Variants in TRPM6 observed in about 807,000 individuals in gnomAD.
TRPM6 encodes the protein channel kinase 2.
In TRPM6, 111 loss-of-function variants were observed where a neutral mutation model predicts 247.6. The observed-to-expected ratio is 0.45, with a 90% CI of 0.38 to 0.52. The LOEUF (loss-of-function observed/expected upper bound fraction) is 0.52, where lower values mean the gene tolerates loss of function less well. Ranked by LOEUF, TRPM6 falls within the 20% of genes least tolerant of loss-of-function variation. The probability of loss-of-function intolerance (pLI) is 0.00; values close to 1 mark genes in which losing one functional copy is unlikely to be tolerated. For synonymous variants in TRPM6, 892 were observed against 853.8 expected (o/e 1.04, Z -0.78); for missense variants, 2,126 against 2,421.5 (o/e 0.88, Z 2.56).
intron 3 of TRPM6, among the ~76,000 whole-genome samples, chr9:74,846,565 CAG>C (rs1054277229): frequency 4.6e-5 from 7 of 151,626 alleles, no homozygotes; most frequent in African/African-American, 7.3e-5. Flanking sequence ...TTTTGTGAAA[CAG>C]AGTCTCTCTC....
At chr9:74,727,207 C>A (rs1163359668) in intron 38 of TRPM6, among the ~76,000 whole-genome samples, 1 of 151,730 alleles carries the variant, frequency 6.6e-6, no homozygotes, top group Non-Finnish European at 1.5e-5. Flanking sequence ...ATGGTGAAAC[C>A]CTGTCTCTAC....
Position 74,762,677 on chromosome 9 carries a change from A to T in TRPM6, c.3994T>A (p.Ser1332Thr). ...TTTGAGTGTGCTTGCCTGTTAGGAGACACCCCAGAAACCACTATACTACTT... is the reference window on the plus strand; with the variant it reads ...TTTGAGTGTGCTTGCCTGTTAGGAGTCACCCCAGAAACCACTATACTACTT... ...TQSSIVVSGV[S>T]PNRQAHSKYG... Residue 1332 changes from serine (S) to threonine (T), a missense_variant, in exon 26 of 39, where the codon TCT becomes ACT. Physicochemically the swap from Ser to Thr is moderately conservative, Grantham distance 58. Around this residue, in one of 3 missense-constraint regions of TRPM6, gnomAD observed 717 missense variants for 715.9 expected, o/e 1.00. Coordinates refer to ENST00000360774, the MANE Select transcript of TRPM6 (RefSeq NM_017662.5). 1.2e-6 allele frequency: 2 copies of T among 1,614,118 alleles called. No homozygotes were observed. Among genetic ancestry groups the T allele is most frequent in the Non-Finnish European group, 1.7e-6 (2 of 1,180,020 alleles).
chr9:74,732,623 T>G, intron 37 of TRPM6, 62 bp downstream of exon 37: 1 of 1,303,324 alleles, frequency 7.7e-7, no homozygotes, highest in Non-Finnish European at 1.1e-6. Context: ...TAAATTATTT[T>G]TAAAACCATT....
intron 27 of TRPM6, among the ~76,000 whole-genome samples, chr9:74,757,931 A>G (rs1287912247): frequency 6.6e-6 from 1 of 152,194 alleles, no homozygotes; most frequent in Non-Finnish European, 1.5e-5. Flanking sequence ...ATAAATGAAT[A>G]AATAAAATAA....
chr9:74,855,415 T>C, intron 3 of TRPM6, 112 bp downstream of exon 3: 1 of 819,264 alleles, frequency 1.2e-6, no homozygotes, highest in East Asian at 2.4e-5. Context: ...CTTGGAAAGG[T>C]AAATGGCATG....
chr9:74,864,885 A>G (rs1244640698), intron 1 of TRPM6, among the ~76,000 whole-genome samples: 2 of 152,120 alleles, frequency 1.3e-5, no homozygotes, highest in African/African-American at 4.8e-5. Context: ...CAGCCTGGCC[A>G]ACATGATGAA....
intron 6 of TRPM6, 85 bp from the exon 7 acceptor site, chr9:74,828,034 T>C (rs1829405866): frequency 5.8e-6 from 8 of 1,389,866 alleles, no homozygotes; most frequent in Non-Finnish European, 8.0e-6. Context: ...CTTTATGTGC[T>C]AAAAGAGTTC....
Position 74,738,568 on chromosome 9 carries a change from C to A in TRPM6, c.5615G>T (p.Trp1872Leu). The A allele has an allele frequency of 6.2e-7, 1 of 1,614,026 alleles. No individual in the cohort carries two copies. The highest frequency in any genetic ancestry group is 8.5e-7 in the Non-Finnish European group (1 of 1,179,982). Residue 1872 changes from tryptophan to leucine, a missense_variant, in exon 36 of 39, where the codon TGG (tryptophan) becomes TTG (leucine). Physicochemically the swap from Trp to Leu is moderately conservative, Grantham distance 61 (BLOSUM62 -2). This residue lies in a region of TRPM6 where 327 missense variants were observed against 397.7 expected (regional missense o/e 0.82). Coordinates refer to ENST00000360774, the MANE Select transcript of TRPM6 (RefSeq NM_017662.5). ...TGTCATATACTTCTCAATGGTCAAC[C>A]ACTGGTTGGCTGAATGGCAGTAGAT... ...FLIYCHSANQ[W>L]LTIEKYMTGE...
intron 29 of TRPM6, 57 bp downstream of exon 29, chr9:74,752,220 C>T (rs770655763): frequency 4.7e-5 from 46 of 985,000 alleles, no homozygotes; most frequent in Non-Finnish European, 7.1e-5. Flanking sequence ...TGGGCGTAGT[C>T]AAGAGTAGCA....
At chr9:74,885,569 C>T (rs969810767) in intron 1 of TRPM6, among the ~76,000 whole-genome samples, 2 of 152,150 alleles carry the variant, frequency 1.3e-5, no homozygotes, top group African/African-American at 2.4e-5. Flanking sequence ...AGAAAAAAGG[C>T]ACTAGTGAGA....
chr9:74,837,748 CTTTTT>C lies in TRPM6; in HGVS notation c.544+2271_544+2275del, dbSNP rs3056761. Among the ~76,000 whole-genome samples the C allele has an allele frequency of 1.2e-3, 159 of 137,332 alleles. 1 individual carries two copies. Among genetic ancestry groups the C allele is most frequent in the South Asian group, 4.3e-3 (19 of 4,394 alleles). The allele number at this position is 137,332 out of a possible 152,430, so 90.1% of individuals were successfully genotyped here. ...GGTGTGAGCCACCACGCCCGGCCCCCTTTTTTTTTTTTTTTTTTTTAAGACAGGGT... is the reference window on the plus strand; with the variant it reads ...GGTGTGAGCCACCACGCCCGGCCCCCTTTTTTTTTTTTTTTAAGACAGGGT... On this transcript the variant is annotated intron_variant, in intron 5 of 38. Coordinates refer to ENST00000360774, the MANE Select transcript of TRPM6 (RefSeq NM_017662.5).
At chr9:74,784,851 C>T (rs117660078) in intron 21 of TRPM6, among the ~76,000 whole-genome samples, 2 of 152,186 alleles carry the variant, frequency 1.3e-5, no homozygotes, top group African/African-American at 4.8e-5. Context: ...ATGGCTCATG[C>T]CTGTAATCCC....
intron 1 of TRPM6, among the ~76,000 whole-genome samples, chr9:74,882,585 G>A (rs1392588489): frequency 2.0e-5 from 3 of 152,088 alleles, no homozygotes; most frequent in Non-Finnish European, 2.9e-5. Flanking sequence ...AGTTAAAATG[G>A]TTATCATAAA....
intron 1 of TRPM6, among the ~76,000 whole-genome samples, chr9:74,861,637 T>C (rs1177654142): frequency 6.6e-6 from 1 of 152,218 alleles, no homozygotes; most frequent in Non-Finnish European, 1.5e-5. Context: ...TAGTACCTCA[T>C]AGAACTATTG....
At chr9:74,879,306 T>C (rs914685509) in intron 1 of TRPM6, among the ~76,000 whole-genome samples, 1 of 150,174 alleles carries the variant, frequency 6.7e-6, no homozygotes, top group African/African-American at 2.4e-5. Context: ...TATATTTGTA[T>C]ATGATTTATA....
At chr9:74,745,446 A>AGTGTGTGTGTGTGTGC (rs1826008588) in intron 31 of TRPM6, among the ~76,000 whole-genome samples, 1 of 150,478 alleles carries the variant, frequency 6.6e-6, no homozygotes, top group Non-Finnish European at 1.5e-5. Flanking sequence ...CATATAGTAT[A>AGTGTGTGTGTGTGTGC]GTGTGTGTGT....
At chr9:74,741,642 C>T (rs1587458508) in intron 33 of TRPM6, among the ~76,000 whole-genome samples, 1 of 151,994 alleles carries the variant, frequency 6.6e-6, no homozygotes, top group Admixed American at 6.6e-5. Context: ...GTAATCCCAG[C>T]ACTTTGGGAG....
intron 25 of TRPM6, among the ~76,000 whole-genome samples, chr9:74,768,323 C>T (rs1004039097): frequency 4.6e-5 from 7 of 152,164 alleles, no homozygotes; most frequent in Admixed American, 1.3e-4. Flanking sequence ...TGGGCATAAT[C>T]GCTTCCTCTG....
chr9:74,791,055 G>A (rs1827882032), intron 19 of TRPM6, among the ~76,000 whole-genome samples: 1 of 152,172 alleles, frequency 6.6e-6, no homozygotes, highest in South Asian at 2.1e-4. Context: ...TTGTGCTATT[G>A]CTTAGCTTTG....
Sources: allele counts gnomAD v4.1 joint callset (sites outside exome capture counted in the v4.1 genomes callset), GRCh38; gene constraint gnomAD v4.1.1; regional missense constraint gnomAD v4.1.1; transcripts MANE v1.5; gene names NCBI Gene and HGNC (gene_info 2026-07-23, HGNC 2026-07-21).